INSYN2A: variants seen among roughly 807,000 people sequenced by gnomAD.
INSYN2A encodes inhibitory synaptic factor 2A, also known as family with sequence similarity 196 member A.
A neutral mutation model predicts 39.4 loss-of-function variants in INSYN2A; 17 were observed. The observed-to-expected ratio is 0.43, with a 90% CI of 0.30 to 0.65. The LOEUF (loss-of-function observed/expected upper bound fraction) is 0.65, where lower values mean the gene tolerates loss of function less well. Ranked by LOEUF, INSYN2A falls within the 30% of genes least tolerant of loss-of-function variation. The pLI is 0.14. For missense variants in INSYN2A, 595 were observed against 631.2 expected (o/e 0.94, Z 0.61); for synonymous variants, 255 against 265.7 (o/e 0.96, Z 0.39).
intron 2 of INSYN2A, among the ~76,000 whole-genome samples, chr10:127,184,975 AGG>A (rs1346689696): frequency 6.6e-6 from 1 of 152,200 alleles, no homozygotes; most frequent in East Asian, 1.9e-4. Context: ...CTAGTCCAGC[AGG>A]AGAGAGACAC....
At chr10:127,195,776 A>G (rs866573642) in intron 1 of INSYN2A, among the ~76,000 whole-genome samples, 1 of 152,224 alleles carries the variant, frequency 6.6e-6, no homozygotes. Context: ...CGCCAGATGC[A>G]GTTGCATAAC....
At chr10:127,146,906 GC>G (rs2051914042) in intron 5 of INSYN2A, among the ~76,000 whole-genome samples, 1 of 152,164 alleles carries the variant, frequency 6.6e-6, no homozygotes, top group African/African-American at 2.4e-5. Flanking sequence ...GCCCGGTTCT[GC>G]CGGCTGTCTT....
Position 127,176,012 on chromosome 10 carries a change from T to C in INSYN2A, c.384A>G (p.Lys128=). ...TAAAGGGATCTGCAGCTGGGAGGCT[T>C]TTGAGGTTCCCCTTTTTGCGGTCCA... ...FPLDRKKGNL[K]SLPAADPFKS... The change falls in exon 4 of 6, where the codon AAA becomes AAG. Residue 128 remains lysine, a synonymous_variant. Coordinates refer to ENST00000522781, the MANE Select transcript of INSYN2A (RefSeq NM_001039762.3). This position sits in a 1 kb window ranked among gnomAD's most constrained non-coding sequence, Gnocchi z 4.4. 4 of 1,614,162 alleles carry C rather than the reference T, an allele frequency of 2.5e-6. No homozygotes were observed. The highest frequency in any genetic ancestry group is 2.5e-6 in the Non-Finnish European group (3 of 1,180,030).
intron 2 of INSYN2A, among the ~76,000 whole-genome samples, chr10:127,183,071 C>T (rs1342010434): frequency 1.1e-5 from 1 of 88,636 alleles, no homozygotes; most frequent in African/African-American, 4.3e-5. Context: ...TATGGTGAAT[C>T]TTTTTTTTTT....
intron 4 of INSYN2A, among the ~76,000 whole-genome samples, chr10:127,170,071 C>T (rs551681486): frequency 5.9e-5 from 9 of 152,044 alleles, no homozygotes; most frequent in Admixed American, 3.9e-4. Flanking sequence ...ACCACCCTTT[C>T]TCAATGAGGA....
intron 5 of INSYN2A, among the ~76,000 whole-genome samples, chr10:127,141,625 C>T (rs908835603): frequency 2.6e-5 from 4 of 151,796 alleles, no homozygotes; most frequent in Non-Finnish European, 5.9e-5. Flanking sequence ...GAGTTGAGAT[C>T]GTGCCACTGC....
chr10:127,137,818 A>G lies in INSYN2A; in HGVS notation c.*19T>C, dbSNP rs1338162519. On this transcript the variant is annotated 3_prime_UTR_variant, in exon 6 of 6. Coordinates refer to ENST00000522781, the MANE Select transcript of INSYN2A (RefSeq NM_001039762.3). The stretch of plus-strand genomic sequence containing the variant: ...AGTGGGTTCTAAAGACGGCCTCGAG[A>G]CTCCAGACACCGTGAGTGTTAAAGG... The G allele has an allele frequency of 1.3e-6, 2 of 1,600,004 alleles. No individual in the cohort carries two copies. Among genetic ancestry groups the G allele is most frequent in the Non-Finnish European group, 1.7e-6 (2 of 1,175,250 alleles).
Position 127,138,139 on chromosome 10 carries a change from A to G in INSYN2A, c.1257-119T>C, listed in dbSNP as rs569198991. ...TGTTTGTAATGTAATTTTATGGTTT[A>G]ATAATAGCAATTCGATATACTATGT... On this transcript the variant is annotated intron_variant, in intron 5 of 5. Transcript: ENST00000522781. 5 of 854,404 alleles carry G rather than the reference A, an allele frequency of 5.9e-6. No homozygotes were observed. In the South Asian group the frequency reaches 9.4e-5, roughly 16 times the overall value. 52.9% of individuals were successfully genotyped at this position (854,404 alleles called of 1,614,324 possible).
intron 5 of INSYN2A, among the ~76,000 whole-genome samples, chr10:127,150,140 TC>T (rs1243036497): frequency 6.6e-6 from 1 of 152,198 alleles, no homozygotes; most frequent in Non-Finnish European, 1.5e-5. Flanking sequence ...AGTCTATACT[TC>T]CGAGATGCTG....
rs1564858495 is a variant in INSYN2A at position 127,165,890 on chromosome 10, G to A, written c.1184+9322C>T. ...TTTATTTATGGGACCCTCTCAATGA[G>A]GGGATCTCTGCTGTCTCTAGCACCG... On this transcript the variant is annotated intron_variant, in intron 4 of 5. Coordinates refer to ENST00000522781, the MANE Select transcript of INSYN2A (RefSeq NM_001039762.3). 2.0e-5 allele frequency among the ~76,000 whole-genome samples: 3 copies of A among 152,292 alleles called. No homozygotes were observed. In the East Asian group the frequency reaches 5.8e-4, roughly 29 times the overall value.
At chr10:127,186,146 G>A (rs1445079713) in intron 2 of INSYN2A, among the ~76,000 whole-genome samples, 2 of 152,176 alleles carry the variant, frequency 1.3e-5, no homozygotes, top group Non-Finnish European at 2.9e-5. Context: ...AGGGTCTGGG[G>A]CATACCCAGG....
rs2055239267 is a variant in INSYN2A, at chr10:127,177,153, AT to A, written c.-268-15del. 6.6e-6 allele frequency: 1 copy of A among 152,188 alleles called. No individual in the cohort carries two copies. The allele number at this position is 152,188 out of a possible 1,614,324, so 9.4% of individuals were successfully genotyped here. ...TGGAAAATAATTCTTAAAAAAAAAA[AT>A]AAAAGAAATTACTCATTCTAGAATC... On this transcript the variant is annotated splice_polypyrimidine_tract_variant and intron_variant, in intron 2 of 5. Transcript: ENST00000522781.
In INSYN2A at chr10:127,160,172, T is replaced by G. The variant is rs145292426; in HGVS notation, c.1185-6249A>C. On this transcript the variant is annotated intron_variant, in intron 4 of 5. Transcript: ENST00000522781. ...AAAAAGTCTCTCACTGTGCTGTCAT[T>G]AGAAGCAAAGACCGAGAAAGTGACA... 2.4e-4 allele frequency among the ~76,000 whole-genome samples: 37 copies of G among 152,152 alleles called. 2 individuals carry two copies. In the East Asian group the frequency reaches 3.7e-3, roughly 15 times the overall value.
At chr10:127,187,361 G>T (rs2056368942) in intron 2 of INSYN2A, among the ~76,000 whole-genome samples, 1 of 152,214 alleles carries the variant, frequency 6.6e-6, no homozygotes. Context: ...CAGTACTGAT[G>T]ATCTGTGAAA....
chr10:127,184,988 G>A (rs1460010977), intron 2 of INSYN2A, among the ~76,000 whole-genome samples: 4 of 152,154 alleles, frequency 2.6e-5, no homozygotes, highest in Admixed American at 2.0e-4. Flanking sequence ...AGAGAGACAC[G>A]TTGATGCCTG....
chr10:127,155,258 T>G (rs1271379815), intron 4 of INSYN2A, among the ~76,000 whole-genome samples: 1 of 152,186 alleles, frequency 6.6e-6, no homozygotes, highest in Admixed American at 6.5e-5. Context: ...TTATATTGTC[T>G]GTTACATCAA....
chr10:127,168,265 G>A (rs2054258791), intron 4 of INSYN2A, among the ~76,000 whole-genome samples: 1 of 152,222 alleles, frequency 6.6e-6, no homozygotes, highest in Admixed American at 6.5e-5. Context: ...GATTTAAAAT[G>A]TTTTGGGTTA....
intron 4 of INSYN2A, among the ~76,000 whole-genome samples, chr10:127,173,016 C>G (rs1475062028): frequency 2.0e-5 from 3 of 152,164 alleles, no homozygotes; most frequent in Non-Finnish European, 4.4e-5. Flanking sequence ...TAGAGCAGCT[C>G]CAGAGTTTCA....
At chr10:127,181,266 G>A (rs1053993218) in intron 2 of INSYN2A, among the ~76,000 whole-genome samples, 3 of 152,218 alleles carry the variant, frequency 2.0e-5, no homozygotes, top group Non-Finnish European at 2.9e-5. Flanking sequence ...TTGAGCAAAC[G>A]TACTGTAAGG....
Sources: gnomAD v4.1 joint callset for allele counts (sites outside exome capture counted in the v4.1 genomes callset) on GRCh38, gnomAD v4.1.1 for gene constraint, Gnocchi (gnomAD v3.1) non-coding constraint, MANE v1.5 for transcripts, NCBI Gene and HGNC (gene_info 2026-07-23, HGNC 2026-07-21) for gene names.